The following CHCHD6 variants were observed in gnomAD, a reference collection of about 807,000 sequenced individuals.
The protein encoded by CHCHD6 is coiled-coil-helix-coiled-coil-helix domain containing 6, also known as MICOS complex subunit MIC25.
CHCHD6 carries 28 observed loss-of-function variants against 32.3 expected under a neutral mutation model. The observed-to-expected ratio is 0.87, with a 90% CI of 0.64 to 1.19. The LOEUF is 1.19. Ranked by LOEUF, CHCHD6 falls within the 50% of genes most tolerant of loss-of-function variation. The probability of loss-of-function intolerance (pLI) is 0.00; values close to 1 mark genes in which losing one functional copy is unlikely to be tolerated. For missense variants in CHCHD6, 333 were observed against 307.0 expected (o/e 1.08, Z -0.63); for synonymous variants, 122 against 117.5 (o/e 1.04, Z -0.25).
intron 5 of CHCHD6, among the ~76,000 whole-genome samples, chr3:126,864,072 CACA>C: frequency 6.7e-6 from 1 of 150,356 alleles, no homozygotes; most frequent in Non-Finnish European, 1.5e-5. Flanking sequence ...CCTCTTCCCC[CACA>C]ATCACCACCT....
intron 1 of CHCHD6, among the ~76,000 whole-genome samples, chr3:126,722,700 A>C (rs2107655038): frequency 6.6e-6 from 1 of 152,276 alleles, no homozygotes; most frequent in East Asian, 1.9e-4. Flanking sequence ...TTTTAGATAA[A>C]AGTTCCTTAT....
chr3:126,889,795 C>G (rs564729893), intron 5 of CHCHD6, among the ~76,000 whole-genome samples: 3 of 152,238 alleles, frequency 2.0e-5, no homozygotes, highest in Admixed American at 6.5e-5. Context: ...TGTGAAGGAG[C>G]CTGTTGCCAC....
At chr3:126,741,130 G>A (rs1442365043) in intron 4 of CHCHD6, among the ~76,000 whole-genome samples, 1 of 152,160 alleles carries the variant, frequency 6.6e-6, no homozygotes, top group East Asian at 1.9e-4. Flanking sequence ...TGGTGTATTG[G>A]ACAAACACGG....
intron 4 of CHCHD6, among the ~76,000 whole-genome samples, chr3:126,834,516 GA>G (rs1306085575): frequency 3.3e-5 from 5 of 152,168 alleles, no homozygotes; most frequent in Non-Finnish European, 7.3e-5. Context: ...GAATGGGCCA[GA>G]AGCAGGGGAG....
intron 4 of CHCHD6, among the ~76,000 whole-genome samples, chr3:126,806,634 G>T (rs1939395680): frequency 6.6e-6 from 1 of 152,172 alleles, no homozygotes; most frequent in South Asian, 2.1e-4. Flanking sequence ...GTGGAAGTCA[G>T]TGTGGCGATT....
intron 4 of CHCHD6, among the ~76,000 whole-genome samples, chr3:126,782,468 A>G (rs1315984505): frequency 2.0e-5 from 3 of 152,204 alleles, no homozygotes; most frequent in African/African-American, 4.8e-5. Flanking sequence ...TCTGATTCCA[A>G]TCCGATGCTG....
At chr3:126,824,222 T>G (rs1383537183) in intron 4 of CHCHD6, among the ~76,000 whole-genome samples, 2 of 152,056 alleles carry the variant, frequency 1.3e-5, no homozygotes, top group Admixed American at 6.5e-5. Flanking sequence ...TGTTCCCAAT[T>G]TCTATTGCTG....
intron 5 of CHCHD6, among the ~76,000 whole-genome samples, chr3:126,888,818 C>G (rs2107576733): frequency 6.6e-6 from 1 of 152,272 alleles, no homozygotes; most frequent in East Asian, 1.9e-4. Flanking sequence ...GCTGGGTAGC[C>G]CCTGTGAGAG....
rs150825818 is a variant in CHCHD6 at position 126,726,039 on chromosome 3, A to G, written c.88-1039A>G. Among the ~76,000 whole-genome samples the G allele has an allele frequency of 6.2e-3, 938 of 152,274 alleles. 8 individuals carry two copies. The highest frequency in any genetic ancestry group is 0.021 in the African/African-American group (884 of 41,558). ...GGAGTAGCACATGTAACTTCTTTCA[A>G]CAACTTTTCCTAACTTGGCTAACTG... On this transcript the variant is annotated intron_variant, in intron 1 of 7. Transcript: ENST00000290913.
intron 5 of CHCHD6, among the ~76,000 whole-genome samples, chr3:126,882,104 G>A (rs571092921): frequency 2.0e-5 from 3 of 152,290 alleles, no homozygotes; most frequent in African/African-American, 7.2e-5. Flanking sequence ...ATCCTTCATA[G>A]CCCATAGTGT....
intron 5 of CHCHD6, among the ~76,000 whole-genome samples, chr3:126,909,806 C>T (rs1273716197): frequency 6.6e-6 from 1 of 152,062 alleles, no homozygotes; most frequent in African/African-American, 2.4e-5. Flanking sequence ...TTCGGTAGAG[C>T]GCACTTCAGA....
chr3:126,815,276 G>T (rs1044899286), intron 4 of CHCHD6, among the ~76,000 whole-genome samples: 2 of 152,076 alleles, frequency 1.3e-5, no homozygotes, highest in African/African-American at 4.8e-5. Context: ...ATTCCCCAGG[G>T]ACTTAACCCC....
At position 126,941,796 on chromosome 3, in the gene CHCHD6, C is replaced by G. The variant is rs947043615; in HGVS notation, c.567-15620C>G. Among the ~76,000 whole-genome samples the G allele has an allele frequency of 2.0e-5, 3 of 152,110 alleles. No individual in the cohort carries two copies. The South Asian group carries it at 6.2e-4, about 32-fold the overall frequency. On this transcript the variant is annotated intron_variant, in intron 6 of 7. Transcript: ENST00000290913. ...TTTTTCTGACATGATAACTCCTTAC[C>G]CCTAAATACTTCCATGCACCATGGG...
At chr3:126,826,908 G>A (rs1940419501) in intron 4 of CHCHD6, among the ~76,000 whole-genome samples, 1 of 152,204 alleles carries the variant, frequency 6.6e-6, no homozygotes, top group Non-Finnish European at 1.5e-5. Context: ...CTGGTCCACA[G>A]AAAGGATGTG....
rs1255266947 is a variant in CHCHD6, at chr3:126,733,234, T to C, written c.411+12T>C. 6.2e-7 allele frequency: 1 copy of C among 1,611,054 alleles called. No homozygotes were observed. The highest frequency in any genetic ancestry group is 8.5e-7 in the Non-Finnish European group (1 of 1,178,726). On this transcript the variant is annotated intron_variant, in intron 4 of 7. Transcript: ENST00000290913. ...AGTCAGTCCGGCTGGTGAGTGCAGA[T>C]TTTCCCTGATCTGGCCTTCTGAGCT...
rs530570134 is a variant in CHCHD6, at chr3:126,890,164, C to T, written c.496-24516C>T. 1.5e-3 allele frequency among the ~76,000 whole-genome samples: 233 copies of T among 152,344 alleles called. 2 individuals carry two copies. Among genetic ancestry groups the T allele is most frequent in the African/African-American group, 5.5e-3 (227 of 41,590 alleles). On this transcript the variant is annotated intron_variant, in intron 5 of 7. Coordinates refer to ENST00000290913, the MANE Select transcript of CHCHD6 (RefSeq NM_032343.3). ...CTGGAAAGTGGGTGGGTTTCCTGTG[C>T]GGCTGAGAGGAGTCTTGCTGGTGGT...
chr3:126,715,355 G>A (rs531348287), intron 1 of CHCHD6, among the ~76,000 whole-genome samples: 4 of 152,308 alleles, frequency 2.6e-5, no homozygotes, highest in South Asian at 2.1e-4. Flanking sequence ...CTTACCTGGA[G>A]CCTGGCATAT....
chr3:126,957,744 G>A (rs2078807220), intron 7 of CHCHD6, 193 bp downstream of exon 7: 4 of 692,922 alleles, frequency 5.8e-6, no homozygotes, highest in Non-Finnish European at 1.0e-5. Flanking sequence ...CTGCTTCCAG[G>A]AGCGCCTTGG....
intron 4 of CHCHD6, among the ~76,000 whole-genome samples, chr3:126,803,026 C>T (rs1316536437): frequency 6.6e-6 from 1 of 152,036 alleles, no homozygotes. Flanking sequence ...GAGATTTTGT[C>T]ACCACCAGGC....
Sources: gnomAD v4.1 joint callset for allele counts (sites outside exome capture counted in the v4.1 genomes callset) on GRCh38, gnomAD v4.1.1 for gene constraint, MANE v1.5 for transcripts, NCBI Gene and HGNC (gene_info 2026-07-23, HGNC 2026-07-21) for gene names.